The following LARGE1 variants were observed in gnomAD, a reference collection of about 807,000 sequenced individuals.
The protein encoded by LARGE1 is xylosyl- and glucuronyltransferase LARGE1.
LARGE1 carries 43 observed loss-of-function variants against 87.6 expected under a neutral mutation model. That is an observed-to-expected ratio of 0.49 (90% CI 0.38 to 0.63). LARGE1 has a LOEUF of 0.63. Ranked by LOEUF, LARGE1 falls within the 30% of genes least tolerant of loss-of-function variation. The pLI, the probability that LARGE1 is intolerant of heterozygous loss-of-function variation, is 0.00. For synonymous variants in LARGE1, 434 were observed against 394.6 expected (o/e 1.10, Z -1.18); for missense variants, 802 against 1,000.2 (o/e 0.80, Z 2.67).
chr22:33,557,987 G>A (rs1047773375), intron 6 of LARGE1, among the ~76,000 whole-genome samples: 10 of 152,162 alleles, frequency 6.6e-5, no homozygotes, highest in African/African-American at 1.9e-4. Context: ...GAATTCCAGC[G>A]CCTTCTGTAC....
the LARGE1 span, among the ~76,000 whole-genome samples, chr22:33,085,777 T>G: frequency 6.6e-6 from 1 of 152,228 alleles, no homozygotes; most frequent in Non-Finnish European, 1.5e-5. Flanking sequence ...ATAAACCTTT[T>G]CGTTCCATGA....
At chr22:33,765,707 C>CAA (rs33943950) in intron 1 of LARGE1, among the ~76,000 whole-genome samples, 14,093 of 69,610 alleles carry the variant, frequency 0.2, 2,085 homozygotes, top group African/African-American at 0.33. Flanking sequence ...CTCCATCTCA[C>CAA]AAAAAAAAAA....
intron 2 of LARGE1, among the ~76,000 whole-genome samples, chr22:33,734,721 T>C (rs1395851974): frequency 2.0e-5 from 3 of 152,136 alleles, no homozygotes. Flanking sequence ...AGCTCTGGTA[T>C]AGGACTGGTC....
intron 12 of LARGE1, among the ~76,000 whole-genome samples, chr22:33,295,440 T>C (rs958984568): frequency 2.0e-5 from 3 of 152,240 alleles, no homozygotes; most frequent in African/African-American, 7.2e-5. Flanking sequence ...CTGTTTAAAC[T>C]GACTAGCTTC....
intron 6 of LARGE1, among the ~76,000 whole-genome samples, chr22:33,464,892 T>TACAC (rs34436418): frequency 3.8e-4 from 53 of 139,516 alleles, no homozygotes; most frequent in Admixed American, 8.6e-4. Flanking sequence ...TGCACACACA[T>TACAC]ACACACACAC....
chr22:33,880,576 T>A (rs1420174424), intron 1 of LARGE1, among the ~76,000 whole-genome samples: 2 of 152,144 alleles, frequency 1.3e-5, no homozygotes, highest in Non-Finnish European at 2.9e-5. Context: ...TGACCCATCC[T>A]CCCAGGCTTA....
chr22:33,810,309 G>T (rs1273817424), intron 1 of LARGE1, among the ~76,000 whole-genome samples: 1 of 152,116 alleles, frequency 6.6e-6, no homozygotes, highest in Non-Finnish European at 1.5e-5. Flanking sequence ...TGAACCCAAA[G>T]CCATAGCCCG....
intron 10 of LARGE1, among the ~76,000 whole-genome samples, chr22:33,319,369 G>A (rs1429294388): frequency 6.6e-6 from 1 of 152,242 alleles, no homozygotes; most frequent in South Asian, 2.1e-4. Context: ...AGTCATGCAA[G>A]CCAGCCTGGC....
At chr22:33,073,006 A>G in the LARGE1 span, among the ~76,000 whole-genome samples, 2 of 152,144 alleles carry the variant, frequency 1.3e-5, no homozygotes, top group Non-Finnish European at 2.9e-5. Flanking sequence ...GGCCGTCTCG[A>G]GGGATATACA....
intron 2 of LARGE1, among the ~76,000 whole-genome samples, chr22:33,689,890 G>A (rs2082048722): frequency 6.6e-6 from 1 of 151,946 alleles, no homozygotes; most frequent in Non-Finnish European, 1.5e-5. Context: ...TGGTGCCATT[G>A]CACTCCAGCC....
At chr22:33,428,249 GA>G (rs2066948311) in intron 7 of LARGE1, among the ~76,000 whole-genome samples, 1 of 151,782 alleles carries the variant, frequency 6.6e-6, no homozygotes, top group Non-Finnish European at 1.5e-5. Flanking sequence ...TTGTGCCCTG[GA>G]TCAGGCTAGG....
Position 33,536,409 on chromosome 22 carries a change from C to A in LARGE1, c.787+28439G>T, listed in dbSNP as rs538310523. The stretch of plus-strand genomic sequence containing the variant: ...GGATCTCCAAATACAACAGAGCACG[C>A]ATTTAATCAGTTATCAATTAATTAC... On this transcript the variant is annotated intron_variant, in intron 6 of 14. Transcript: ENST00000397394. Among the ~76,000 whole-genome samples, 9 of 152,320 alleles carry A rather than the reference C, an allele frequency of 5.9e-5. No homozygotes were observed. In the East Asian group the frequency reaches 1.2e-3, roughly 20 times the overall value.
At chr22:33,548,130 T>C (rs1192374944) in intron 6 of LARGE1, among the ~76,000 whole-genome samples, 1 of 152,156 alleles carries the variant, frequency 6.6e-6, no homozygotes, top group Non-Finnish European at 1.5e-5. Flanking sequence ...AAGTGAATGG[T>C]TCACTGGGGT....
At chr22:33,545,969 A>T (rs2148666916) in intron 6 of LARGE1, among the ~76,000 whole-genome samples, 1 of 152,280 alleles carries the variant, frequency 6.6e-6, no homozygotes, top group African/African-American at 2.4e-5. Context: ...ATCATTCCTT[A>T]CATGAATTAT....
At chr22:33,322,791 G>A (rs1400454406) in intron 10 of LARGE1, 2 of 152,166 alleles carry the variant, frequency 1.3e-5, no homozygotes, top group Non-Finnish European at 2.9e-5. Context: ...GTATTATCTA[G>A]GGAATATTGT....
chr22:33,789,065 G>C (rs147218054), intron 1 of LARGE1, among the ~76,000 whole-genome samples: 1 of 152,206 alleles, frequency 6.6e-6, no homozygotes, highest in African/African-American at 2.4e-5. Flanking sequence ...GCAAGTCAGA[G>C]GTCTTCACAG....
In LARGE1 at chr22:33,200,007, C is replaced by A. The variant is rs866766947; in HGVS notation, c.1731-33175G>T. 4.3e-4 allele frequency among the ~76,000 whole-genome samples: 65 copies of A among 152,142 alleles called. No individual in the cohort carries two copies. The Middle Eastern group carries it at 0.01, about 24-fold the overall frequency. ...GGGATTACAGGCACCTGCCACCACA[C>A]CTGGCTAATTTTTGTATTTTTAGTA... On this transcript the variant is annotated intron_variant, in intron 11 of 11. Transcript: ENST00000608642.
intron 4 of LARGE1, among the ~76,000 whole-genome samples, chr22:33,621,468 A>G (rs2079753245): frequency 6.6e-6 from 1 of 152,164 alleles, no homozygotes; most frequent in Non-Finnish European, 1.5e-5. Flanking sequence ...TAATGAAGCA[A>G]GCCTTAAATG....
intron 6 of LARGE1, among the ~76,000 whole-genome samples, chr22:33,535,344 G>A (rs762776835): frequency 1.3e-4 from 20 of 152,138 alleles, no homozygotes; most frequent in Non-Finnish European, 2.4e-4. Flanking sequence ...AGGAGTTTGA[G>A]ATCAGCCCGG....
Sources: gnomAD v4.1 joint callset for allele counts (sites outside exome capture counted in the v4.1 genomes callset) on GRCh38, gnomAD v4.1.1 for gene constraint, MANE v1.5 for transcripts, NCBI Gene and HGNC (gene_info 2026-07-23, HGNC 2026-07-21) for gene names.